ZNF133: variants seen among roughly 807,000 people sequenced by gnomAD.
ZNF133 encodes zinc finger protein 133 (clone pHZ-13).
Under a neutral mutation model 54.9 loss-of-function variants are expected in ZNF133, and 26 were observed. That is an observed-to-expected ratio of 0.47 (90% CI 0.35 to 0.66). The LOEUF (loss-of-function observed/expected upper bound fraction) is 0.66. ZNF133 is among the 30% of genes least tolerant of loss of function. The pLI, the probability that ZNF133 is intolerant of heterozygous loss-of-function variation, is 0.01. For synonymous variants in ZNF133, 298 were observed against 320.3 expected (o/e 0.93, Z 0.74); for missense variants, 653 against 820.8 (o/e 0.80, Z 2.50).
In ZNF133 at chr20:18,316,736, T is replaced by A; in HGVS notation, c.1885T>A (p.Ser629Thr). The A allele has an allele frequency of 6.2e-7, 1 of 1,614,220 alleles. No individual in the cohort carries two copies. The highest frequency in any genetic ancestry group is 8.5e-7 in the Non-Finnish European group (1 of 1,180,040). The change falls in exon 7 of 7, where the codon TCT becomes ACT. Residue 629 changes from serine to threonine, a missense_variant. Around this residue, in one of 4 missense-constraint regions of ZNF133, gnomAD observed 129 missense variants for 138.5 expected, o/e 0.93. Coordinates refer to ENST00000425686, the MANE Select transcript of ZNF133 (RefSeq NM_001352452.2). ...CCTCAGCAGACACAGGAAGACCACG[T>A]CTGTCCACCACAGACTGCCAGTGCA... Reference protein sequence around the residue: ...SHLSRHRKTTSVHHRLPVQPD... With the variant: ...SHLSRHRKTTTVHHRLPVQPD...
At position 18,305,611 on chromosome 20, in the gene ZNF133, A is replaced by G. The variant is rs1223243172; in HGVS notation, c.-6-70A>G. 12 of 1,610,818 alleles carry G rather than the reference A, an allele frequency of 7.4e-6. No individual in the cohort carries two copies. The Admixed American group carries it at 8.4e-5, about 11-fold the overall frequency. ...CACCTGCCTCCCCCAGGGCAGCCTT[A>G]TCCCTGCCCCTCACCCTGCCATGGG... On this transcript the variant is annotated intron_variant, in intron 4 of 6. Coordinates refer to ENST00000425686, the MANE Select transcript of ZNF133 (RefSeq NM_001352452.2). This position sits in a 1 kb window ranked among gnomAD's most constrained non-coding sequence, Gnocchi z 4.7.
At position 18,315,745 on chromosome 20, in the gene ZNF133, C is replaced by T; in HGVS notation, c.894C>T (p.Tyr298=). 6.2e-7 allele frequency: 1 copy of T among 1,614,114 alleles called. No individual in the cohort carries two copies. The highest frequency in any genetic ancestry group is 8.5e-7 in the Non-Finnish European group (1 of 1,179,988). The part of the protein sequence containing the change: ...HERTHSGEKP[Y]MCSECGRGFS... ...GGACACACTCCGGTGAGAAACCTTA[C>T]ATGTGCAGTGAGTGTGGGCGAGGCT... The change falls in exon 7 of 7, where the codon TAC becomes TAT. Residue 298 remains tyrosine, a synonymous_variant. Transcript: ENST00000425686.
At chr20:18,293,621 C>T (rs1394566916) in intron 1 of ZNF133, among the ~76,000 whole-genome samples, 2 of 152,182 alleles carry the variant, frequency 1.3e-5, no homozygotes, top group Non-Finnish European at 2.9e-5. Context: ...AACAGTGATA[C>T]TATTGTGTTA....
chr20:18,310,791 G>A (rs1272874131), intron 6 of ZNF133, among the ~76,000 whole-genome samples: 1 of 152,146 alleles, frequency 6.6e-6, no homozygotes, highest in African/African-American at 2.4e-5. Context: ...AGGTATGTGA[G>A]GTGATGCAAT....
At chr20:18,301,906 C>T (rs919678621) in intron 3 of ZNF133, among the ~76,000 whole-genome samples, 2 of 152,122 alleles carry the variant, frequency 1.3e-5, no homozygotes, top group East Asian at 3.9e-4. Flanking sequence ...TACTGCCTGA[C>T]TCATTCTGTG....
chr20:18,298,020 A>G lies in ZNF133; in HGVS notation c.-396A>G. 1 of 1,535,244 alleles carries G rather than the reference A, an allele frequency of 6.5e-7. No individual in the cohort carries two copies. Among genetic ancestry groups the G allele is most frequent in the Admixed American group, 2.0e-5 (1 of 50,962 alleles). ...TGAGATATCATCCTTCTTCAGGGAG[A>G]TAAGGAAAAAAAGCCACAGGGTCCC... On this transcript the variant is annotated 5_prime_UTR_variant, in exon 2 of 7. Coordinates refer to ENST00000425686, the MANE Select transcript of ZNF133 (RefSeq NM_001352452.2).
chr20:18,309,822 A>G (rs2045459195), intron 6 of ZNF133, among the ~76,000 whole-genome samples: 1 of 152,198 alleles, frequency 6.6e-6, no homozygotes, highest in Admixed American at 6.5e-5. Flanking sequence ...TGCTTGAGAT[A>G]TGAAAGGAAG....
chr20:18,306,673 G>T, intron 6 of ZNF133: 1 of 1,289,724 alleles, frequency 7.8e-7, no homozygotes. Flanking sequence ...CATATATATG[G>T]GCTTCTTTCT....
At chr20:18,303,426 T>A (rs867625230) in intron 3 of ZNF133, among the ~76,000 whole-genome samples, 5 of 152,176 alleles carry the variant, frequency 3.3e-5, no homozygotes, top group African/African-American at 1.2e-4. Flanking sequence ...ATAACAATTT[T>A]TTTAATAAAT....
rs1568742313 is a variant in ZNF133 at position 18,298,062 on chromosome 20, G to A, written c.-354G>A. On this transcript the variant is annotated splice_region_variant and 5_prime_UTR_variant, in exon 2 of 7. It removes an upstream start codon present in the reference 5' UTR. Transcript: ENST00000425686. ...CAGGGTCCCGGAGAGCCAGGGGAAT[G>A]GTGAGTGTTTCCTGTCTCCATTACT... The A allele has an allele frequency of 9.8e-6, 15 of 1,535,390 alleles. No homozygotes were observed. Among genetic ancestry groups the A allele is most frequent in the Admixed American group, 2.0e-5 (1 of 50,978 alleles).
intron 3 of ZNF133, among the ~76,000 whole-genome samples, chr20:18,300,898 T>C (rs1320140895): frequency 6.6e-6 from 1 of 151,950 alleles, no homozygotes; most frequent in African/African-American, 2.4e-5. Flanking sequence ...GATAGAACAA[T>C]AAGAAAGACA....
At chr20:18,304,739 TG>T in intron 3 of ZNF133, among the ~76,000 whole-genome samples, 1 of 152,276 alleles carries the variant, frequency 6.6e-6, no homozygotes, top group African/African-American at 2.4e-5. Context: ...GAGGAAAGAA[TG>T]GGAAGTTATT....
chr20:18,313,855 T>G (rs1035982756), intron 6 of ZNF133: 4 of 152,348 alleles, frequency 2.6e-5, no homozygotes, highest in Non-Finnish European at 5.9e-5. Flanking sequence ...AAGAGCAGGC[T>G]TTCTCTGCAG....
intron 6 of ZNF133, among the ~76,000 whole-genome samples, chr20:18,312,464 C>CAT (rs1334513971): frequency 6.6e-6 from 1 of 152,194 alleles, no homozygotes; most frequent in East Asian, 1.9e-4. Context: ...TATTTGCAGG[C>CAT]TTTATCTTAC....
At chr20:18,300,322 T>G (rs1017201463) in intron 3 of ZNF133, among the ~76,000 whole-genome samples, 4 of 152,110 alleles carry the variant, frequency 2.6e-5, no homozygotes, top group Admixed American at 6.5e-5. Flanking sequence ...AGAAAATATC[T>G]GTAGGATGTA....
Position 18,316,508 on chromosome 20 carries a change from A to G in ZNF133, c.1657A>G (p.Arg553Gly). 6.2e-7 allele frequency: 1 copy of G among 1,614,234 alleles called. No homozygotes were observed. Among genetic ancestry groups the G allele is most frequent in the Non-Finnish European group, 8.5e-7 (1 of 1,180,036 alleles). The change falls in exon 7 of 7, where the codon AGG becomes GGG. Residue 553 changes from arginine (R) to glycine (G), a missense_variant. Coordinates refer to ENST00000425686, the MANE Select transcript of ZNF133 (RefSeq NM_001352452.2). ...CTCGAGGGAGAAGCCCTACATGTGCAGGCAGTGTGGACTGGGCTTTGGCAA... is the reference window on the plus strand; with the variant it reads ...CTCGAGGGAGAAGCCCTACATGTGCGGGCAGTGTGGACTGGGCTTTGGCAA... ...KHSREKPYMC[R>G]QCGLGFGNKS...
chr20:18,293,523 G>C (rs2146907260), intron 1 of ZNF133, among the ~76,000 whole-genome samples: 1 of 152,318 alleles, frequency 6.6e-6, no homozygotes, highest in East Asian at 1.9e-4. Context: ...AGTGTCACTT[G>C]TGTCAAATTT....
At position 18,297,967 on chromosome 20, in the gene ZNF133, T is replaced by C. The variant is rs2042574666; in HGVS notation, c.-431-18T>C. On this transcript the variant is annotated intron_variant, in intron 1 of 6. Coordinates refer to ENST00000425686, the MANE Select transcript of ZNF133 (RefSeq NM_001352452.2). ...CATTTCTACCTGACACCCTCCCATT[T>C]CTGTTTTCCTTACCCAGATCTACCT... The C allele has an allele frequency of 6.7e-7, 1 of 1,503,552 alleles. No individual in the cohort carries two copies. Among genetic ancestry groups the C allele is most frequent in the Non-Finnish European group, 8.9e-7 (1 of 1,118,074 alleles). 93.1% of individuals were successfully genotyped at this position (1,503,552 alleles called of 1,614,324 possible).
At chr20:18,292,017 A>T (rs2041155592) in intron 1 of ZNF133, among the ~76,000 whole-genome samples, 1 of 152,038 alleles carries the variant, frequency 6.6e-6, no homozygotes, top group Admixed American at 6.5e-5. Flanking sequence ...TTTCCTTCAG[A>T]TTGCTTGGAG....
Sources: allele counts gnomAD v4.1 joint callset (sites outside exome capture counted in the v4.1 genomes callset), GRCh38; gene constraint gnomAD v4.1.1; regional missense constraint gnomAD v4.1.1; non-coding constraint Gnocchi (gnomAD v3.1); transcripts MANE v1.5; gene names NCBI Gene and HGNC (gene_info 2026-07-23, HGNC 2026-07-21).